Variants in MBD2 observed in about 807,000 individuals in gnomAD.
The protein encoded by MBD2 is methyl-CpG-binding domain protein 2.
Under a neutral mutation model 39.3 loss-of-function variants are expected in MBD2, and 9 were observed. The ratio of observed to expected loss-of-function variants is 0.23; its 90% confidence interval spans 0.14 to 0.40. MBD2 has a LOEUF of 0.40. MBD2 is among the 10% of genes least tolerant of loss of function. The probability of loss-of-function intolerance (pLI) is 1.00; values close to 1 mark genes in which losing one functional copy is unlikely to be tolerated. For missense variants in MBD2, 458 were observed against 532.6 expected (o/e 0.86, Z 1.38); for synonymous variants, 233 against 211.1 (o/e 1.10, Z -0.90).
Position 54,224,637 on chromosome 18 carries a change from G to T in MBD2, c.-78C>A. ...ATCCCGGAGACCCGCCCCGCCCGCA[G>T]CGCGGCGCGCGGGGGACGCGCGCAA... On this transcript the variant is annotated 5_prime_UTR_variant, in exon 1 of 7. It adds an upstream start codon to the 5' untranslated region. Transcript: ENST00000256429. 1 of 1,049,938 alleles carries T rather than the reference G, an allele frequency of 9.5e-7. No homozygotes were observed. Among genetic ancestry groups the T allele is most frequent in the Non-Finnish European group, 1.2e-6 (1 of 822,660 alleles). 65.0% of individuals were successfully genotyped at this position (1,049,938 alleles called of 1,614,324 possible). A position where few individuals can be genotyped will look rare whatever the true frequency, so the allele number is the denominator to read the frequency against.
In MBD2 at chr18:54,224,250, G is replaced by GCC; in HGVS notation, c.309_310insGG (p.Leu104GlyfsTer62). On this transcript the variant is annotated frameshift_variant, in exon 1 of 7. Transcript: ENST00000256429. LOFTEE classifies it high-confidence loss of function. ...CCGCAGCCGCCGCCGTCGCCGCCAA[G>GCC]GCCGCTGCCGCCACTCGGGGGACGG... is the stretch of plus-strand genomic sequence containing the variant. 1 of 973,872 alleles carries GCC rather than the reference G, an allele frequency of 1.0e-6. No homozygotes were observed. The highest frequency in any genetic ancestry group is 1.8e-5 in the African/African-American group (1 of 56,010). The allele number at this position is 973,872 out of a possible 1,614,324, so 60.3% of individuals were successfully genotyped here. A position where few individuals can be genotyped will look rare whatever the true frequency, so the allele number is the denominator to read the frequency against.
At position 54,166,132 on chromosome 18, in the gene MBD2, G is replaced by C; in HGVS notation, c.875C>G (p.Ala292Gly). The C allele has an allele frequency of 6.2e-7, 1 of 1,613,724 alleles. No homozygotes were observed. The highest frequency in any genetic ancestry group is 8.5e-7 in the Non-Finnish European group (1 of 1,179,680). Residue 292 changes from alanine to glycine, a missense_variant, in exon 4 of 7, where the codon GCA becomes GGA. Transcript: ENST00000256429. ...FWEKRLQGLS[A>G]SDVTEQIIKT... ...TATAATTTGTTCTGTTACATCTGAT[G>C]CACTAAGTCCTTGTAGCCTCTTCTC...
chr18:54,160,906 G>A (rs2086092354), intron 5 of MBD2, among the ~76,000 whole-genome samples: 2 of 150,980 alleles, frequency 1.3e-5, no homozygotes, highest in African/African-American at 4.9e-5. Context: ...GAGACCAGAA[G>A]AAAGGAGATA....
chr18:54,218,956 C>T (rs1434777081), intron 1 of MBD2, among the ~76,000 whole-genome samples: 2 of 144,632 alleles, frequency 1.4e-5, no homozygotes, highest in Non-Finnish European at 3.0e-5. Flanking sequence ...AGTAAGACTC[C>T]GTCTCAAAAA....
At chr18:54,169,617 A>T (rs2086164814) in intron 3 of MBD2, among the ~76,000 whole-genome samples, 1 of 151,698 alleles carries the variant, frequency 6.6e-6, no homozygotes, top group South Asian at 2.1e-4. Context: ...ATATGTAAGG[A>T]CTCCCCCTCT....
At chr18:54,160,700 T>G (rs893021714) in intron 5 of MBD2, among the ~76,000 whole-genome samples, 3 of 146,576 alleles carry the variant, frequency 2.0e-5, no homozygotes, top group Non-Finnish European at 1.5e-5. Context: ...TGGTAAGAGA[T>G]AAATTCCTAA....
chr18:54,173,606 T>C (rs2086192593), intron 3 of MBD2, among the ~76,000 whole-genome samples: 1 of 152,234 alleles, frequency 6.6e-6, no homozygotes, highest in South Asian at 2.1e-4. Context: ...TGGCCAGATC[T>C]ATGCAATACA....
At chr18:54,173,386 G>GGCT (rs1305166834) in intron 3 of MBD2, among the ~76,000 whole-genome samples, 7 of 152,148 alleles carry the variant, frequency 4.6e-5, no homozygotes, top group Non-Finnish European at 7.3e-5. Flanking sequence ...CTAAGTGAGG[G>GGCT]GCTCTTTTAA....
intron 6 of MBD2, among the ~76,000 whole-genome samples, chr18:54,158,660 A>C (rs566252769): frequency 2.9e-4 from 44 of 152,162 alleles, no homozygotes; most frequent in Non-Finnish European, 5.9e-4. Flanking sequence ...GTCTTACTCC[A>C]TCCCAGGCTG....
chr18:54,198,036 G>A (rs368179059), intron 2 of MBD2, among the ~76,000 whole-genome samples: 1 of 152,302 alleles, frequency 6.6e-6, no homozygotes, highest in East Asian at 1.9e-4. Context: ...TTTCTCCATA[G>A]GTCAGGAATG....
rs2086646805 is a variant in MBD2 at position 54,224,538 on chromosome 18, C to G, written c.22G>C (p.Gly8Arg). ...TCCTCCTGCTCCGGGCAGCAGCGGC[C>G]TCCCCCCGGGTGCGCGCGCATCCAG... Reference protein sequence around the residue: MRAHPGGGRCCPEQEEGE... With the variant: MRAHPGGRRCCPEQEEGE... Residue 8 changes from glycine to arginine, a missense_variant, in exon 1 of 7, where the codon GGC (glycine) becomes CGC (arginine). Physicochemically the swap from Gly to Arg is moderately radical, Grantham distance 125. Around this residue, in one of 2 missense-constraint regions of MBD2, gnomAD observed 269 missense variants for 236.0 expected, o/e 1.14. Coordinates refer to ENST00000256429, the MANE Select transcript of MBD2 (RefSeq NM_003927.5). The G allele has an allele frequency of 8.1e-7, 1 of 1,231,348 alleles. No homozygotes were observed. Among genetic ancestry groups the G allele is most frequent in the African/African-American group, 1.6e-5 (1 of 64,050 alleles). 76.3% of individuals were successfully genotyped at this position (1,231,348 alleles called of 1,614,324 possible).
In MBD2 at chr18:54,224,357, C is replaced by A; in HGVS notation, c.203G>T (p.Gly68Val). The A allele has an allele frequency of 1.7e-6, 2 of 1,166,340 alleles. No individual in the cohort carries two copies. The highest frequency in any genetic ancestry group is 6.5e-5 in the South Asian group (2 of 30,610). The allele number at this position is 1,166,340 out of a possible 1,614,324, so 72.2% of individuals were successfully genotyped here. A position where few individuals can be genotyped will look rare whatever the true frequency, so the allele number is the denominator to read the frequency against. Residue 68 changes from glycine (G) to valine (V), a missense_variant, in exon 1 of 7, where the codon GGC becomes GTC. This residue lies in a region of MBD2 where 269 missense variants were observed against 236.0 expected (regional missense o/e 1.14). Coordinates refer to ENST00000256429, the MANE Select transcript of MBD2 (RefSeq NM_003927.5). ...ACGGCCACAGACGCCGCCGCCCCGG[C>A]CCGCCTGCTTCCACCGCCCCCGGCC... is the stretch of plus-strand genomic sequence containing the variant. Reference protein sequence around the residue: ...GRGRGRWKQAGRGGGVCGRGR... With the variant: ...GRGRGRWKQAVRGGGVCGRGR...
chr18:54,206,635 A>G (rs2086451792), intron 1 of MBD2, among the ~76,000 whole-genome samples: 1 of 152,242 alleles, frequency 6.6e-6, no homozygotes, highest in South Asian at 2.1e-4. Context: ...ATTCTGTCCC[A>G]CCACACTTCA....
chr18:54,197,812 C>T (rs923065842), intron 2 of MBD2, among the ~76,000 whole-genome samples: 29 of 152,144 alleles, frequency 1.9e-4, no homozygotes, highest in Non-Finnish European at 3.4e-4. Context: ...CTTTTGATTT[C>T]AGTATCAAAT....
chr18:54,188,278 C>T (rs1163057040), intron 3 of MBD2, among the ~76,000 whole-genome samples: 2 of 152,156 alleles, frequency 1.3e-5, no homozygotes, highest in Non-Finnish European at 2.9e-5. Context: ...CATTAACAGG[C>T]AGCAGGGAGG....
At chr18:54,177,317 TAATC>T (rs1356281038) in intron 3 of MBD2, among the ~76,000 whole-genome samples, 1 of 152,206 alleles carries the variant, frequency 6.6e-6, no homozygotes, top group African/African-American at 2.4e-5. Context: ...TAGCACCTGT[TAATC>T]AGCAATATCT....
intron 1 of MBD2, among the ~76,000 whole-genome samples, chr18:54,207,385 C>T (rs1254125246): frequency 6.6e-6 from 1 of 152,220 alleles, no homozygotes; most frequent in Non-Finnish European, 1.5e-5. Flanking sequence ...CAGAAATAAT[C>T]TACTACCACT....
intron 2 of MBD2, among the ~76,000 whole-genome samples, chr18:54,189,222 ACTTT>A (rs1228325861): frequency 7.2e-6 from 1 of 138,024 alleles, no homozygotes; most frequent in Non-Finnish European, 1.6e-5. Flanking sequence ...CTTTTTGTAT[ACTTT>A]TTTTTTTTTT....
intron 1 of MBD2, among the ~76,000 whole-genome samples, chr18:54,213,528 T>C (rs1052854654): frequency 6.6e-6 from 1 of 152,090 alleles, no homozygotes; most frequent in Non-Finnish European, 1.5e-5. Context: ...GCCACTAAAA[T>C]GCGAAAAAAT....
Sources: gnomAD v4.1 joint callset for allele counts (sites outside exome capture counted in the v4.1 genomes callset) on GRCh38, gnomAD v4.1.1 for gene constraint, gnomAD v4.1.1 regional missense constraint, MANE v1.5 for transcripts, NCBI Gene and HGNC (gene_info 2026-07-23, HGNC 2026-07-21) for gene names.